Variants in ARSJ observed in about 807,000 individuals in gnomAD.
ARSJ encodes the protein arylsulfatase family member J.
A neutral mutation model predicts 35.9 loss-of-function variants in ARSJ; 26 were observed. That is an observed-to-expected ratio of 0.72 (90% CI 0.53 to 1.00). ARSJ has a LOEUF of 1.00. Ranked by LOEUF, ARSJ falls within the 50% of genes least tolerant of loss-of-function variation. ARSJ has a pLI of 0.00. For synonymous variants in ARSJ, 294 were observed against 267.6 expected (o/e 1.10, Z -0.96); for missense variants, 667 against 723.6 (o/e 0.92, Z 0.90).
At chr4:113,919,036 C>T (rs1723500149) in intron 1 of ARSJ, among the ~76,000 whole-genome samples, 1 of 152,090 alleles carries the variant, frequency 6.6e-6, no homozygotes, top group Admixed American at 6.6e-5. Context: ...TGAAATTTTT[C>T]CATACTGCTC....
At chr4:113,938,957 A>C (rs1724944589) in intron 1 of ARSJ, among the ~76,000 whole-genome samples, 1 of 151,658 alleles carries the variant, frequency 6.6e-6, no homozygotes, top group Non-Finnish European at 1.5e-5. Context: ...ACATGTGCAC[A>C]ATGTGCAGGT....
At chr4:113,909,762 C>T (rs2099669867) in intron 1 of ARSJ, among the ~76,000 whole-genome samples, 1 of 152,096 alleles carries the variant, frequency 6.6e-6, no homozygotes, top group Non-Finnish European at 1.5e-5. Flanking sequence ...ATCCTTAGAG[C>T]AGCATGAGAA....
At chr4:113,910,911 A>G (rs2099670236) in intron 1 of ARSJ, among the ~76,000 whole-genome samples, 1 of 152,152 alleles carries the variant, frequency 6.6e-6, no homozygotes, top group Non-Finnish European at 1.5e-5. Flanking sequence ...ACAGCATTTT[A>G]TAAGTGCTCA....
intron 1 of ARSJ, among the ~76,000 whole-genome samples, chr4:113,959,049 G>A (rs138344993): frequency 7.2e-5 from 11 of 152,090 alleles, no homozygotes; most frequent in African/African-American, 2.4e-4. Context: ...TAAAAATGAT[G>A]ACTTTCTTCT....
chr4:113,907,146 G>A (rs1005132922), intron 1 of ARSJ, among the ~76,000 whole-genome samples: 2 of 152,150 alleles, frequency 1.3e-5, no homozygotes, highest in African/African-American at 4.8e-5. Context: ...AAGGAGCAGA[G>A]GAAAGATGCC....
intron 1 of ARSJ, among the ~76,000 whole-genome samples, chr4:113,966,874 C>T (rs1226075969): frequency 6.6e-6 from 1 of 152,122 alleles, no homozygotes; most frequent in Non-Finnish European, 1.5e-5. Flanking sequence ...CTGACAGGGT[C>T]CAGTCAGTTA....
At chr4:113,952,395 C>T (rs1419872909) in intron 1 of ARSJ, among the ~76,000 whole-genome samples, 2 of 152,094 alleles carry the variant, frequency 1.3e-5, no homozygotes, top group African/African-American at 4.8e-5. Context: ...AAAATCCAGA[C>T]TTCTCTCTTT....
chr4:113,903,363 G>C lies in ARSJ; in HGVS notation c.711C>G (p.Tyr237Ter). 1 of 1,614,140 alleles carries C rather than the reference G, an allele frequency of 6.2e-7. No homozygotes were observed. The highest frequency in any genetic ancestry group is 8.5e-7 in the Non-Finnish European group (1 of 1,180,036). ...CTCTCTGAGTGTACATCTGTGTGGA[G>C]TATATGCCATTGTCATAGTCCCAGG... ...NAAWDYDNGI[Y>*]STQMYTQRVQ... Residue 237 changes from tyrosine (Y) to a stop codon, truncating the protein, a stop_gained, in exon 2 of 2, where the codon TAC (tyrosine) becomes TAG (stop). Coordinates refer to ENST00000315366, the MANE Select transcript of ARSJ (RefSeq NM_024590.4). LOFTEE classifies it high-confidence loss of function.
chr4:113,950,437 T>A (rs1725790806), intron 1 of ARSJ, among the ~76,000 whole-genome samples: 1 of 152,026 alleles, frequency 6.6e-6, no homozygotes, highest in Admixed American at 6.6e-5. Flanking sequence ...GGCAGTAGGT[T>A]TGGTTTGGTA....
chr4:113,960,450 A>G (rs1726474582), intron 1 of ARSJ, among the ~76,000 whole-genome samples: 2 of 152,192 alleles, frequency 1.3e-5, no homozygotes, highest in East Asian at 1.9e-4. Context: ...ATGTTAAAGT[A>G]TTTCATTTTC....
intron 1 of ARSJ, among the ~76,000 whole-genome samples, chr4:113,915,957 G>C (rs980586531): frequency 1.3e-5 from 2 of 152,166 alleles, no homozygotes; most frequent in Admixed American, 1.3e-4. Context: ...TTATAGACTG[G>C]AAAGGACACT....
At position 113,902,329 on chromosome 4, in the gene ARSJ, T is replaced by A; in HGVS notation, c.1745A>T (p.Lys582Ile). 6.2e-7 allele frequency: 1 copy of A among 1,613,180 alleles called. No individual in the cohort carries two copies. ...KQKKSKKKKK[K>I]QQKAVSGSTC... ...TGAACCTGAGACTGCTTTCTGCTGTTTCTTCTTCTTTTTTTTGCTTTTCTT... is the reference window on the plus strand; with the variant it reads ...TGAACCTGAGACTGCTTTCTGCTGTATCTTCTTCTTTTTTTTGCTTTTCTT... The change falls in exon 2 of 2, where the codon AAA (lysine) becomes ATA (isoleucine). Residue 582 changes from lysine (K) to isoleucine (I), a missense_variant. Lys to Ile is a moderately radical substitution (Grantham distance 102). Transcript: ENST00000315366.
Position 113,978,043 on chromosome 4 carries a change from T to A in ARSJ, c.398+394A>T, listed in dbSNP as rs180981738. ...AAGAATGCACCAAGAGTAAAAAAAA[T>A]TTTTGATCTTTCTTATCAGTGATGG... On this transcript the variant is annotated intron_variant, in intron 1 of 1. Coordinates refer to ENST00000315366, the MANE Select transcript of ARSJ (RefSeq NM_024590.4). Among the ~76,000 whole-genome samples the A allele has an allele frequency of 1.6e-3, 246 of 152,286 alleles. 2 individuals are homozygous for A. The highest frequency in any genetic ancestry group is 0.014 in the Middle Eastern group (4 of 294).
intron 1 of ARSJ, among the ~76,000 whole-genome samples, chr4:113,957,019 C>A (rs1268210616): frequency 6.6e-6 from 1 of 152,008 alleles, no homozygotes; most frequent in Non-Finnish European, 1.5e-5. Context: ...GCAGCTGTAG[C>A]AGCAAGATGG....
At chr4:113,937,957 C>T (rs1026266705) in intron 1 of ARSJ, among the ~76,000 whole-genome samples, 1 of 151,964 alleles carries the variant, frequency 6.6e-6, no homozygotes, top group African/African-American at 2.4e-5. Flanking sequence ...AATGGCCATA[C>T]TGATGAAAGT....
intron 1 of ARSJ, among the ~76,000 whole-genome samples, chr4:113,911,841 CTA>C (rs1722929658): frequency 6.6e-6 from 1 of 152,082 alleles, no homozygotes; most frequent in Non-Finnish European, 1.5e-5. Flanking sequence ...AAAAGGGTAA[CTA>C]TGTGAGATGA....
At chr4:113,956,983 G>A (rs916334614) in intron 1 of ARSJ, among the ~76,000 whole-genome samples, 3 of 152,040 alleles carry the variant, frequency 2.0e-5, no homozygotes, top group Non-Finnish European at 4.4e-5. Context: ...AGAGACTGGT[G>A]GCAATGCAGT....
At chr4:113,907,241 T>G (rs1017098375) in intron 1 of ARSJ, among the ~76,000 whole-genome samples, 2 of 152,232 alleles carry the variant, frequency 1.3e-5, no homozygotes, top group South Asian at 2.1e-4. Flanking sequence ...CTTATGTTGA[T>G]CCCAGAAAAA....
intron 1 of ARSJ, among the ~76,000 whole-genome samples, chr4:113,924,580 A>C (rs1723934728): frequency 6.6e-6 from 1 of 152,132 alleles, no homozygotes; most frequent in African/African-American, 2.4e-5. Flanking sequence ...GACAATAATA[A>C]GGTCATAATT....
Sources: allele counts gnomAD v4.1 joint callset (sites outside exome capture counted in the v4.1 genomes callset), GRCh38; gene constraint gnomAD v4.1.1; transcripts MANE v1.5; gene names NCBI Gene and HGNC (gene_info 2026-07-23, HGNC 2026-07-21).